HLTF: variants seen among roughly 807,000 people sequenced by gnomAD.
HLTF encodes DNA-dependent ATPase/E3 ubiquitin-protein ligase HLTF.
Under a neutral mutation model 129.4 loss-of-function variants are expected in HLTF, and 127 were observed. The observed-to-expected ratio is 0.98, with a 90% CI of 0.85 to 1.14. HLTF has a LOEUF of 1.14. HLTF is among the 50% of genes most tolerant of loss of function. The pLI is 0.00. For missense variants in HLTF, 1,139 were observed against 1,187.1 expected, an observed-to-expected ratio of 0.96 and a Z score of 0.60; for synonymous variants, 332 against 388.8, an observed-to-expected ratio of 0.85 and a Z score of 1.72.
chr3:149,063,641 ATTCCT>A (rs1449904774), intron 9 of HLTF, 117 bp from the exon 10 acceptor site: 4 of 611,954 alleles, frequency 6.5e-6, no homozygotes, highest in African/African-American at 5.6e-5. Flanking sequence ...TAAGATCTTC[ATTCCT>A]TTCATTACTC....
At chr3:149,056,737 T>C (rs1039997996) in intron 13 of HLTF, among the ~76,000 whole-genome samples, 1 of 152,250 alleles carries the variant, frequency 6.6e-6, no homozygotes, top group Non-Finnish European at 1.5e-5. Context: ...TATAACAATA[T>C]ACAGTTGACC....
chr3:149,068,840 C>T (rs1315480071), intron 7 of HLTF, among the ~76,000 whole-genome samples: 1 of 152,162 alleles, frequency 6.6e-6, no homozygotes, highest in African/African-American at 2.4e-5. Context: ...TCAATATTTA[C>T]TGCAGCTTAA....
chr3:149,042,798 G>A (rs1033978197), intron 18 of HLTF, among the ~76,000 whole-genome samples: 2 of 152,068 alleles, frequency 1.3e-5, no homozygotes, highest in African/African-American at 4.8e-5. Flanking sequence ...CTGTTTATGT[G>A]TACTAATAAA....
chr3:149,075,235 T>C (rs866140116), intron 3 of HLTF, among the ~76,000 whole-genome samples: 53 of 152,310 alleles, frequency 3.5e-4, no homozygotes, highest in African/African-American at 1.2e-3. Flanking sequence ...AGAATACCAG[T>C]TTATAACCTC....
intron 5 of HLTF, among the ~76,000 whole-genome samples, chr3:149,072,989 T>C (rs1193389280): frequency 6.6e-6 from 1 of 152,222 alleles, no homozygotes; most frequent in Non-Finnish European, 1.5e-5. Flanking sequence ...AACAGGAACG[T>C]GTGTGTTTTG....
intron 17 of HLTF, among the ~76,000 whole-genome samples, chr3:149,046,738 T>C (rs1034816423): frequency 1.3e-5 from 2 of 152,092 alleles, no homozygotes; most frequent in African/African-American, 4.8e-5. Flanking sequence ...AAGTAATGAG[T>C]GCCCCCAAAA....
At chr3:149,069,219 C>T (rs947566771) in intron 7 of HLTF, among the ~76,000 whole-genome samples, 5 of 152,088 alleles carry the variant, frequency 3.3e-5, no homozygotes, top group African/African-American at 1.2e-4. Flanking sequence ...GGCCTGTAAT[C>T]CCAGCACTTT....
Position 149,086,301 on chromosome 3 carries a change from C to T in HLTF, c.20+16G>A, listed in dbSNP as rs1250767148. 6.2e-7 allele frequency: 1 copy of T among 1,602,348 alleles called. No individual in the cohort carries two copies. Among genetic ancestry groups the T allele is most frequent in the Non-Finnish European group, 8.5e-7 (1 of 1,174,254 alleles). ...GGCCGTTAGACCGAGCGCCCCACCC[C>T]CTCCGCCCCCTTCACCTCTTGAACA... On this transcript the variant is annotated intron_variant, in intron 1 of 24. Coordinates refer to ENST00000310053, the MANE Select transcript of HLTF (RefSeq NM_003071.4).
intron 2 of HLTF, among the ~76,000 whole-genome samples, chr3:149,078,376 T>G (rs1215677149): frequency 6.6e-6 from 1 of 152,008 alleles, no homozygotes; most frequent in African/African-American, 2.4e-5. Flanking sequence ...CAAGACCCCA[T>G]TTCTACAAAA....
At chr3:149,076,083 AAAT>A (rs1719330864) in intron 2 of HLTF, 36 bp from the exon 3 acceptor site, 1 of 807,368 alleles carries the variant, frequency 1.2e-6, no homozygotes, top group Non-Finnish European at 1.9e-6. Context: ...ATTACATTAT[AAAT>A]AATAGACAAT....
chr3:149,074,509 T>C (rs574884499), intron 3 of HLTF, among the ~76,000 whole-genome samples, 161 bp from the exon 4 acceptor site: 124 of 152,004 alleles, frequency 8.2e-4, no homozygotes, highest in African/African-American at 2.9e-3. Context: ...GGAAAAGAAA[T>C]AGAACCATAA....
At chr3:149,048,780 A>T in intron 16 of HLTF, 83 bp downstream of exon 16, 2 of 1,052,296 alleles carry the variant, frequency 1.9e-6, no homozygotes, top group Admixed American at 2.1e-5. Flanking sequence ...CACCCACTTT[A>T]AGTTTACAAA....
rs141143751 is a variant in HLTF, at chr3:149,072,814, C to G, written c.627+411G>C. ...TTTTTTTCAAAGAAATTCAGCATAA[C>G]TCATCCTAAATTACAAATTAGACAA... On this transcript the variant is annotated intron_variant, in intron 5 of 24. Transcript: ENST00000310053. Among the ~76,000 whole-genome samples, 464 of 152,216 alleles carry G rather than the reference C, an allele frequency of 3.0e-3. 1 individual carries two copies. The highest frequency in any genetic ancestry group is 4.8e-3 in the Admixed American group (74 of 15,296).
At chr3:149,050,445 G>T (rs1014064275) in intron 14 of HLTF, 70 bp from the exon 15 acceptor site, 6 of 1,036,762 alleles carry the variant, frequency 5.8e-6, no homozygotes, top group Admixed American at 2.6e-5. Flanking sequence ...GTATAAAAAA[G>T]TAACTGCCCT....
intron 8 of HLTF, 90 bp downstream of exon 8, chr3:149,068,150 A>C: frequency 3.3e-6 from 2 of 601,928 alleles, no homozygotes; most frequent in Non-Finnish European, 3.0e-6. Flanking sequence ...CTGAAAACAC[A>C]ATTTCTTGGT....
chr3:149,054,404 GA>G lies in HLTF; in HGVS notation c.1473+898del, dbSNP rs1273831271. On this transcript the variant is annotated intron_variant, in intron 14 of 24. Coordinates refer to ENST00000310053, the MANE Select transcript of HLTF (RefSeq NM_003071.4). Reference sequence around the variant, plus strand: ...AAAAAAGAACAGATGAGCAATGTGGGAAAAGAGAGAATCCAATGTAGAGACT... The same window carrying G: ...AAAAAAGAACAGATGAGCAATGTGGGAAAGAGAGAATCCAATGTAGAGACT... Among the ~76,000 whole-genome samples, 17 of 152,264 alleles carry G rather than the reference GA, an allele frequency of 1.1e-4. No individual in the cohort carries two copies. In the East Asian group the frequency reaches 3.1e-3, roughly 28 times the overall value.
intron 11 of HLTF, 28 bp from the exon 12 acceptor site, chr3:149,060,715 A>C: frequency 6.2e-7 from 1 of 1,610,698 alleles, no homozygotes; most frequent in Non-Finnish European, 8.5e-7. Flanking sequence ...ATAAACATAA[A>C]AATGGGCAAA....
intron 4 of HLTF, 67 bp from the exon 5 acceptor site, chr3:149,073,389 G>T: frequency 8.6e-7 from 1 of 1,168,380 alleles, no homozygotes; most frequent in Non-Finnish European, 1.3e-6. Context: ...TTATTAAGTA[G>T]CTTTTAAAAT....
chr3:149,077,247 AAAATAAATAAATAAATAAATAAAT>A (rs201554369), intron 2 of HLTF, among the ~76,000 whole-genome samples: 7 of 144,088 alleles, frequency 4.9e-5, no homozygotes, highest in East Asian at 2.0e-4. Context: ...ACTTCATCTC[AAAATAAATAAATAAATAAATAAAT>A]AAATAAATAA....
Sources: gnomAD v4.1 joint callset for allele counts (sites outside exome capture counted in the v4.1 genomes callset) on GRCh38, gnomAD v4.1.1 for gene constraint, MANE v1.5 for transcripts, NCBI Gene and HGNC (gene_info 2026-07-23, HGNC 2026-07-21) for gene names.